The following PPP1R13B variants were observed in gnomAD, a reference collection of about 807,000 sequenced individuals.
The protein encoded by PPP1R13B is apoptosis-stimulating of p53 protein 1.
In PPP1R13B, 44 loss-of-function variants were observed where a neutral mutation model predicts 119.8. The observed-to-expected ratio is 0.37, with a 90% CI of 0.29 to 0.47. The LOEUF is 0.47. PPP1R13B is among the 20% of genes least tolerant of loss of function. The pLI, the probability that PPP1R13B is intolerant of heterozygous loss-of-function variation, is 0.99. For synonymous variants in PPP1R13B, 542 were observed against 561.5 expected (o/e 0.97, Z 0.49); for missense variants, 1,227 against 1,413.5 (o/e 0.87, Z 2.12).
intron 4 of PPP1R13B, among the ~76,000 whole-genome samples, chr14:103,765,892 AATGAATGCCTG>A (rs1365034213): frequency 1.3e-5 from 2 of 152,122 alleles, no homozygotes; most frequent in African/African-American, 4.8e-5. Context: ...ATTAACATGT[AATGAATGCCTG>A]CTGCATATCA....
intron 5 of PPP1R13B, 21 bp downstream of exon 5, chr14:103,757,629 A>G: frequency 1.2e-6 from 2 of 1,607,118 alleles, no homozygotes; most frequent in Non-Finnish European, 1.7e-6. Context: ...CAATGTTTCA[A>G]TACCTCTTTT....
intron 1 of PPP1R13B, among the ~76,000 whole-genome samples, chr14:103,845,739 A>G (rs141739483): frequency 6.6e-6 from 1 of 152,212 alleles, no homozygotes. Flanking sequence ...TGAATGCATC[A>G]ATCAACTATT....
At chr14:103,768,619 G>A (rs777028968) in intron 4 of PPP1R13B, among the ~76,000 whole-genome samples, 12 of 151,784 alleles carry the variant, frequency 7.9e-5, no homozygotes, top group Admixed American at 6.6e-5. Context: ...TTTTAGTAGC[G>A]ACAGGGTTTC....
chr14:103,804,223 A>T (rs1252599042), intron 1 of PPP1R13B, among the ~76,000 whole-genome samples: 1 of 152,142 alleles, frequency 6.6e-6, no homozygotes, highest in Non-Finnish European at 1.5e-5. Flanking sequence ...AAAACTGACA[A>T]CCATTATTAA....
chr14:103,820,516 T>C (rs1202109004), intron 1 of PPP1R13B, among the ~76,000 whole-genome samples: 2 of 151,146 alleles, frequency 1.3e-5, no homozygotes, highest in African/African-American at 4.9e-5. Context: ...ATAGACAGGG[T>C]CTCACTCTGT....
chr14:103,805,087 TC>T (rs1392317793), intron 1 of PPP1R13B, among the ~76,000 whole-genome samples: 1 of 152,076 alleles, frequency 6.6e-6, no homozygotes, highest in Non-Finnish European at 1.5e-5. Context: ...TCTGCCCACC[TC>T]GGCCTCTCAA....
chr14:103,774,360 T>C (rs1017263907), intron 4 of PPP1R13B, among the ~76,000 whole-genome samples: 1 of 152,200 alleles, frequency 6.6e-6, no homozygotes, highest in Admixed American at 6.5e-5. Context: ...CTGATCTGGC[T>C]CTGAATCCTT....
rs188891685 is a variant in PPP1R13B, at chr14:103,761,645, C to G, written c.355-3894G>C. ...GGGCATGGTGGCAGGTGCCTGTAAT[C>G]CCAGCTACTCGGGAGGCTGAGGCAG... is the stretch of plus-strand genomic sequence containing the variant. On this transcript the variant is annotated intron_variant, in intron 4 of 16. Coordinates refer to ENST00000202556, the MANE Select transcript of PPP1R13B (RefSeq NM_015316.3). Among the ~76,000 whole-genome samples the G allele has an allele frequency of 1.9e-3, 291 of 152,056 alleles. 1 individual carries two copies. Among genetic ancestry groups the G allele is most frequent in the Non-Finnish European group, 7.9e-4 (54 of 67,982 alleles).
At chr14:103,762,923 G>A in intron 4 of PPP1R13B, 1 of 946,934 alleles carries the variant, frequency 1.1e-6, no homozygotes, top group Non-Finnish European at 1.7e-6. Flanking sequence ...AAACAGCCTT[G>A]TTGCTGTCCC....
At chr14:103,776,349 A>G (rs2085195426) in intron 4 of PPP1R13B, among the ~76,000 whole-genome samples, 1 of 152,236 alleles carries the variant, frequency 6.6e-6, no homozygotes, top group Non-Finnish European at 1.5e-5. Flanking sequence ...GTAGGGTCAC[A>G]AATATAGCCA....
intron 5 of PPP1R13B, among the ~76,000 whole-genome samples, chr14:103,755,591 T>C (rs1046392293): frequency 6.6e-6 from 1 of 152,098 alleles, no homozygotes; most frequent in Admixed American, 6.5e-5. Context: ...TAGGGAGAGG[T>C]TTAAGGTGTG....
intron 1 of PPP1R13B, among the ~76,000 whole-genome samples, chr14:103,832,098 C>A (rs1231720618): frequency 1.3e-5 from 2 of 150,820 alleles, no homozygotes; most frequent in African/African-American, 4.9e-5. Flanking sequence ...CAAAGCAAGA[C>A]CCTATCTCTT....
intron 3 of PPP1R13B, 97 bp from the exon 4 acceptor site, chr14:103,778,918 G>T: frequency 1.1e-6 from 1 of 938,102 alleles, no homozygotes; most frequent in Non-Finnish European, 1.7e-6. Flanking sequence ...TTGAACACAA[G>T]TGTAAAATAC....
intron 1 of PPP1R13B, among the ~76,000 whole-genome samples, chr14:103,814,730 G>GA (rs1353131854): frequency 6.6e-6 from 1 of 152,180 alleles, no homozygotes; most frequent in Non-Finnish European, 1.5e-5. Flanking sequence ...CGGATCACGA[G>GA]GTCAGGAGAT....
At chr14:103,794,983 G>A (rs1353634858) in intron 2 of PPP1R13B, among the ~76,000 whole-genome samples, 1 of 152,082 alleles carries the variant, frequency 6.6e-6, no homozygotes, top group Admixed American at 6.6e-5. Context: ...TCGCTCTGTC[G>A]CCCAGGCTGG....
chr14:103,806,615 T>C (rs1422938204), intron 1 of PPP1R13B, among the ~76,000 whole-genome samples: 2 of 152,114 alleles, frequency 1.3e-5, no homozygotes, highest in Admixed American at 6.6e-5. Flanking sequence ...CAATTTAAAA[T>C]CTCAGAAACA....
intron 4 of PPP1R13B, chr14:103,763,714 A>C (rs2084869443): frequency 6.6e-6 from 1 of 152,182 alleles, no homozygotes; most frequent in Non-Finnish European, 1.5e-5. Context: ...ATTTTAGCAA[A>C]TACATAGAGT....
chr14:103,774,063 A>C (rs1430285796), intron 4 of PPP1R13B, among the ~76,000 whole-genome samples: 1 of 152,210 alleles, frequency 6.6e-6, no homozygotes. Flanking sequence ...TTTTCACCAA[A>C]TGGTGCTGGG....
Position 103,740,554 on chromosome 14 carries a change from G to A in PPP1R13B, c.1862C>T (p.Pro621Leu). The change falls in exon 12 of 17, where the codon CCA becomes CTA. Residue 621 changes from proline (P) to leucine (L), a missense_variant. Transcript: ENST00000202556. The surrounding 1 kb of genome is among the most constrained non-coding windows in gnomAD (Gnocchi z 4.6). Reference protein sequence around the residue: ...KPVLPSGSTSPSPLPFLHGSL... With the variant: ...KPVLPSGSTSLSPLPFLHGSL... ...CCCGTGAAGAAACGGCAGCGGCGAT[G>A]GAGAGGTTGAACCCGAAGGTAAAAC... is the stretch of plus-strand genomic sequence containing the variant. 1 of 1,557,814 alleles carries A rather than the reference G, an allele frequency of 6.4e-7. No homozygotes were observed. Among genetic ancestry groups the A allele is most frequent in the Non-Finnish European group, 8.7e-7 (1 of 1,149,622 alleles).
Sources: gnomAD v4.1 joint callset for allele counts (sites outside exome capture counted in the v4.1 genomes callset) on GRCh38, gnomAD v4.1.1 for gene constraint, Gnocchi (gnomAD v3.1) non-coding constraint, MANE v1.5 for transcripts, NCBI Gene and HGNC (gene_info 2026-07-23, HGNC 2026-07-21) for gene names.